EIF3J: variants seen among roughly 807,000 people sequenced by gnomAD.
The protein encoded by EIF3J is eukaryotic translation initiation factor 3, subunit 1 (alpha, 35kD).
A neutral mutation model predicts 39.0 loss-of-function variants in EIF3J; 15 were observed. That is an observed-to-expected ratio of 0.38 (90% confidence interval 0.26 to 0.59). The LOEUF is 0.59. EIF3J is among the 20% of genes least tolerant of loss of function. EIF3J has a pLI of 0.60. For synonymous variants in EIF3J, 98 were observed against 112.9 expected (o/e 0.87, Z 0.84); for missense variants, 226 against 308.6 (o/e 0.73, Z 2.00).
chr15:44,546,553 T>G (rs1230099728), intron 2 of EIF3J, among the ~76,000 whole-genome samples: 3 of 152,170 alleles, frequency 2.0e-5, no homozygotes, highest in Non-Finnish European at 4.4e-5. Context: ...AGCCTTTGCT[T>G]CTTTAGTAGC....
chr15:44,537,981 C>T (rs2081974676), intron 2 of EIF3J, among the ~76,000 whole-genome samples: 1 of 152,134 alleles, frequency 6.6e-6, no homozygotes, highest in South Asian at 2.1e-4. Context: ...TTGGCTCTCC[C>T]TTCCCCCACC....
chr15:44,548,932 A>G (rs548717738), intron 2 of EIF3J, among the ~76,000 whole-genome samples: 1 of 152,364 alleles, frequency 6.6e-6, no homozygotes, highest in Admixed American at 6.5e-5. Flanking sequence ...AGGGTTTTTA[A>G]TAAATGATGC....
chr15:44,562,425 C>G lies in EIF3J; in HGVS notation c.*1276C>G, dbSNP rs922767393. ...TTGGGGAATCTTTATTATGTCTTCTCCTAAGCAGTTTAACCAAATGTGTGG... is the reference window on the plus strand; with the variant it reads ...TTGGGGAATCTTTATTATGTCTTCTGCTAAGCAGTTTAACCAAATGTGTGG... On this transcript the variant is annotated 3_prime_UTR_variant, in exon 8 of 8. Coordinates refer to ENST00000261868, the MANE Select transcript of EIF3J (RefSeq NM_003758.4). 4 of 152,592 alleles carry G rather than the reference C, an allele frequency of 2.6e-5. No individual in the cohort carries two copies. The highest frequency in any genetic ancestry group is 4.4e-5 in the Non-Finnish European group (3 of 68,032). The allele number at this position is 152,592 out of a possible 1,614,324, so 9.5% of individuals were successfully genotyped here.
At chr15:44,555,758 G>A (rs759528720) in intron 5 of EIF3J, among the ~76,000 whole-genome samples, 1 of 152,146 alleles carries the variant, frequency 6.6e-6, no homozygotes, top group Non-Finnish European at 1.5e-5. Context: ...TTTTACTGTT[G>A]TGTTTCTCAT....
Position 44,553,406 on chromosome 15 carries a change from G to A in EIF3J, c.295-1147G>A, listed in dbSNP as rs531446699. On this transcript the variant is annotated intron_variant, in intron 4 of 7. Transcript: ENST00000261868. ...ACCTGGGAGGCTGAGGCAGGAGAATGGTGTGAACTCAGGAGGCGGAGCTTG... is the reference window on the plus strand; with the variant it reads ...ACCTGGGAGGCTGAGGCAGGAGAATAGTGTGAACTCAGGAGGCGGAGCTTG... Among the ~76,000 whole-genome samples the A allele has an allele frequency of 2.4e-3, 361 of 151,940 alleles. 2 individuals are homozygous for A. Among genetic ancestry groups the A allele is most frequent in the African/African-American group, 8.3e-3 (343 of 41,454 alleles).
chr15:44,560,864 G>C (rs1251336268), intron 7 of EIF3J, among the ~76,000 whole-genome samples, 154 bp from the exon 8 acceptor site: 3 of 152,202 alleles, frequency 2.0e-5, no homozygotes, highest in Non-Finnish European at 2.9e-5. Flanking sequence ...TGGGAGACCT[G>C]TTCAGGTCCA....
chr15:44,554,485 T>C, intron 4 of EIF3J, 68 bp from the exon 5 acceptor site: 2 of 820,794 alleles, frequency 2.4e-6, no homozygotes, highest in Non-Finnish European at 3.8e-6. Context: ...TAAGAATTCG[T>C]ACAATACAGA....
At chr15:44,552,588 G>C (rs2082109113) in intron 4 of EIF3J, among the ~76,000 whole-genome samples, 2 of 150,538 alleles carry the variant, frequency 1.3e-5, no homozygotes, top group Non-Finnish European at 3.0e-5. Context: ...TTTAGAGATG[G>C]AGTTTCACTC....
chr15:44,557,617 T>G lies in EIF3J; in HGVS notation c.538T>G (p.Leu180Val), dbSNP rs1419952061. ...AAAGTCACTATATTATGCCAGTTTT[T>G]TGGAAGTCTTAGTTCGAGATGTGTG... ...YEKSLYYASF[L>V]EVLVRDVCIS... The change falls in exon 6 of 8, where the codon TTG becomes GTG. Residue 180 changes from leucine to valine, a missense_variant. Leu to Val is a conservative substitution (Grantham distance 32, BLOSUM62 1). Coordinates refer to ENST00000261868, the MANE Select transcript of EIF3J (RefSeq NM_003758.4). 1 of 1,528,510 alleles carries G rather than the reference T, an allele frequency of 6.5e-7. No homozygotes were observed. Among genetic ancestry groups the G allele is most frequent in the Non-Finnish European group, 8.8e-7 (1 of 1,137,652 alleles). The allele number at this position is 1,528,510 out of a possible 1,614,324, so 94.7% of individuals were successfully genotyped here.
At chr15:44,546,864 C>T (rs1436441896) in intron 2 of EIF3J, among the ~76,000 whole-genome samples, 4 of 128,510 alleles carry the variant, frequency 3.1e-5, no homozygotes, top group East Asian at 2.4e-4. Context: ...TCTCTGTTGC[C>T]TAGGCTGGAG....
In EIF3J at chr15:44,551,388, A is replaced by C. The variant is rs766703468; in HGVS notation, c.203-43A>C. The C allele has an allele frequency of 4.6e-6, 6 of 1,303,364 alleles. No homozygotes were observed. The South Asian group carries it at 8.0e-5, about 17-fold the overall frequency. The allele number at this position is 1,303,364 out of a possible 1,614,324, so 80.7% of individuals were successfully genotyped here. A position where few individuals can be genotyped will look rare whatever the true frequency, so the allele number is the denominator to read the frequency against. ...CATGTCTGTCTCATCCATAAACTGG[A>C]AAATACTCAGTATAACTGAATAAAA... On this transcript the variant is annotated intron_variant, in intron 3 of 7. Coordinates refer to ENST00000261868, the MANE Select transcript of EIF3J (RefSeq NM_003758.4).
chr15:44,539,414 C>T (rs1229323094), intron 2 of EIF3J, among the ~76,000 whole-genome samples: 2 of 145,288 alleles, frequency 1.4e-5, no homozygotes, highest in Admixed American at 6.9e-5. Flanking sequence ...TCCAGTTGCT[C>T]TTTTTTTTTT....
intron 2 of EIF3J, among the ~76,000 whole-genome samples, chr15:44,541,788 T>C (rs1595798284): frequency 6.6e-6 from 1 of 152,230 alleles, no homozygotes; most frequent in East Asian, 1.9e-4. Flanking sequence ...AAACATGCAG[T>C]AGAGAGAAAC....
chr15:44,548,838 A>C (rs958391166), intron 2 of EIF3J, among the ~76,000 whole-genome samples: 4 of 152,112 alleles, frequency 2.6e-5, no homozygotes, highest in African/African-American at 9.7e-5. Context: ...ACTTCTCAAC[A>C]CTGTTGGATT....
intron 5 of EIF3J, among the ~76,000 whole-genome samples, chr15:44,554,964 T>C (rs1027119732): frequency 6.6e-6 from 1 of 152,208 alleles, no homozygotes; most frequent in Non-Finnish European, 1.5e-5. Context: ...TGGATGAAAT[T>C]TGCATGAAAT....
chr15:44,560,394 T>G (rs547437436), intron 7 of EIF3J, 72 bp downstream of exon 7: 1 of 1,398,384 alleles, frequency 7.2e-7, no homozygotes, highest in Non-Finnish European at 9.9e-7. Context: ...TCAACAAATA[T>G]AATAGGAGCC....
chr15:44,540,949 T>C (rs1567115463), intron 2 of EIF3J, among the ~76,000 whole-genome samples: 1 of 152,216 alleles, frequency 6.6e-6, no homozygotes, highest in Non-Finnish European at 1.5e-5. Context: ...TTTACTCTCA[T>C]TTAGTAGACT....
At chr15:44,555,016 T>C (rs772401673) in intron 5 of EIF3J, among the ~76,000 whole-genome samples, 1 of 152,236 alleles carries the variant, frequency 6.6e-6, no homozygotes, top group Non-Finnish European at 1.5e-5. Context: ...GGCTGTCCTG[T>C]TGTCTTAAGA....
chr15:44,538,498 T>C (rs373858851), intron 2 of EIF3J, among the ~76,000 whole-genome samples: 1 of 152,182 alleles, frequency 6.6e-6, no homozygotes, highest in Non-Finnish European at 1.5e-5. Context: ...CTGCCTGGGC[T>C]GAAAAGTTTA....
Sources: gnomAD v4.1 joint callset for allele counts (sites outside exome capture counted in the v4.1 genomes callset) on GRCh38, gnomAD v4.1.1 for gene constraint, MANE v1.5 for transcripts, NCBI Gene and HGNC (gene_info 2026-07-23, HGNC 2026-07-21) for gene names.